CNOT4: variants seen among roughly 807,000 people sequenced by gnomAD.
CNOT4 encodes CCR4-associated factor 4.
In CNOT4, 8 loss-of-function variants were observed where a neutral mutation model predicts 73.8. That is an observed-to-expected ratio of 0.11 (90% confidence interval 0.06 to 0.20). CNOT4 has a LOEUF of 0.20. Ranked by LOEUF, CNOT4 falls within the 10% of genes least tolerant of loss-of-function variation. The pLI, the probability that CNOT4 is intolerant of heterozygous loss-of-function variation, is 1.00. For synonymous variants in CNOT4, 293 were observed against 321.1 expected (o/e 0.91, Z 0.94); for missense variants, 564 against 883.4 (o/e 0.64, Z 4.58).
At chr7:135,384,835 CA>C in intron 10 of CNOT4, 1 of 703,376 alleles carries the variant, frequency 1.4e-6, no homozygotes, top group East Asian at 2.6e-5. Flanking sequence ...ACTTTGTTGT[CA>C]AATGTCTTAA....
At chr7:135,492,476 G>A (rs1803172709) in intron 1 of CNOT4, among the ~76,000 whole-genome samples, 1 of 152,184 alleles carries the variant, frequency 6.6e-6, no homozygotes, top group Non-Finnish European at 1.5e-5. Context: ...AACGGGGCAA[G>A]GTACAGTGAA....
chr7:135,400,159 TGTCAAGG>T (rs796271657), intron 7 of CNOT4, among the ~76,000 whole-genome samples: 2 of 152,100 alleles, frequency 1.3e-5, no homozygotes, highest in African/African-American at 4.8e-5. Context: ...ATACCTCCTG[TGTCAAGG>T]GTCAAAATGT....
chr7:135,368,589 G>C (rs1193736164), intron 10 of CNOT4, among the ~76,000 whole-genome samples: 1 of 152,186 alleles, frequency 6.6e-6, no homozygotes, highest in African/African-American at 2.4e-5. Context: ...AGGCCAGTTG[G>C]GACACGTACG....
At chr7:135,490,469 C>T (rs867888973) in intron 1 of CNOT4, among the ~76,000 whole-genome samples, 11 of 152,168 alleles carry the variant, frequency 7.2e-5, no homozygotes, top group Non-Finnish European at 1.3e-4. Context: ...TCTTCAAAAA[C>T]GATGATCCAG....
At chr7:135,402,888 C>G (rs1484252122) in intron 7 of CNOT4, among the ~76,000 whole-genome samples, 1 of 152,064 alleles carries the variant, frequency 6.6e-6, no homozygotes, top group African/African-American at 2.4e-5. Flanking sequence ...CGATGCCAAC[C>G]AAATCACTAA....
intron 2 of CNOT4, among the ~76,000 whole-genome samples, chr7:135,432,338 C>T (rs920315709): frequency 2.0e-5 from 3 of 152,158 alleles, no homozygotes; most frequent in Admixed American, 2.0e-4. Context: ...ATGTGAGCCA[C>T]TGCAGCATAA....
chr7:135,426,848 G>A (rs952000205), intron 2 of CNOT4, among the ~76,000 whole-genome samples: 1 of 151,290 alleles, frequency 6.6e-6, no homozygotes, highest in Admixed American at 6.6e-5. Context: ...GCTTGAACCC[G>A]GGAGATGGAG....
chr7:135,413,532 C>T lies in CNOT4; in HGVS notation c.643G>A (p.Glu215Lys). 6.2e-7 allele frequency: 1 copy of T among 1,612,032 alleles called. No homozygotes were observed. Among genetic ancestry groups the T allele is most frequent in the Non-Finnish European group, 8.5e-7 (1 of 1,178,546 alleles). ...CPKPDCMYLH[E>K]LGDEAASFTK... ...AAGCTGGCCGCCTCATCCCCCAATT[C>T]ATGAAGATACATGCAGTCAGGTTTT... is the stretch of plus-strand genomic sequence containing the variant. Residue 215 changes from glutamate (E) to lysine (K), a missense_variant, in exon 6 of 12, where the codon GAA (glutamate) becomes AAA (lysine). Glu to Lys is a moderately conservative substitution (Grantham distance 56). Around this residue, in one of 10 missense-constraint regions of CNOT4, gnomAD observed 14 missense variants for 69.5 expected, o/e 0.20. Coordinates refer to ENST00000541284, the MANE Select transcript of CNOT4 (RefSeq NM_001190850.2).
chr7:135,452,895 A>G (rs1001945892), intron 1 of CNOT4, among the ~76,000 whole-genome samples: 4 of 152,226 alleles, frequency 2.6e-5, no homozygotes, highest in Non-Finnish European at 5.9e-5. Context: ...GGTAAAATCA[A>G]ATCTGCACAA....
intron 1 of CNOT4, chr7:135,509,281 A>C (rs747543093): frequency 6.6e-6 from 1 of 152,348 alleles, no homozygotes; most frequent in Non-Finnish European, 1.5e-5. Context: ...TGGTGGAAGG[A>C]AAGACTGCAA....
intron 1 of CNOT4, among the ~76,000 whole-genome samples, chr7:135,446,045 C>T (rs1307789005): frequency 6.6e-6 from 1 of 152,110 alleles, no homozygotes; most frequent in East Asian, 1.9e-4. Context: ...CCACACCCAG[C>T]TAATTTTTTA....
At chr7:135,455,287 A>C (rs1023485507) in intron 1 of CNOT4, among the ~76,000 whole-genome samples, 1 of 152,082 alleles carries the variant, frequency 6.6e-6, no homozygotes, top group African/African-American at 2.4e-5. Flanking sequence ...AAAAAAAAAA[A>C]AACTATGTGG....
At chr7:135,489,750 TGGACAATAAA>T (rs1346572810) in intron 1 of CNOT4, among the ~76,000 whole-genome samples, 1 of 152,146 alleles carries the variant, frequency 6.6e-6, no homozygotes, top group East Asian at 1.9e-4. Context: ...GGTACCATAC[TGGACAATAAA>T]GGTCTAAGAA....
chr7:135,462,114 T>TG (rs148143533), intron 1 of CNOT4, among the ~76,000 whole-genome samples: 3,372 of 151,150 alleles, frequency 0.022, 121 homozygotes, highest in African/African-American at 0.07. Flanking sequence ...GGAAAAAAGG[T>TG]GAAAAAAAAG....
chr7:135,489,540 C>T (rs1802967604), intron 1 of CNOT4, among the ~76,000 whole-genome samples: 1 of 151,836 alleles, frequency 6.6e-6, no homozygotes, highest in Non-Finnish European at 1.5e-5. Flanking sequence ...GGACTACAGG[C>T]GTCCACAACC....
At chr7:135,437,677 G>A (rs551603943) in intron 2 of CNOT4, among the ~76,000 whole-genome samples, 2 of 152,252 alleles carry the variant, frequency 1.3e-5, no homozygotes, top group Non-Finnish European at 1.5e-5. Context: ...CTCAAGAAAT[G>A]AGCATTTATT....
chr7:135,403,481 T>C (rs1461545180), intron 7 of CNOT4, among the ~76,000 whole-genome samples: 1 of 152,202 alleles, frequency 6.6e-6, no homozygotes, highest in Non-Finnish European at 1.5e-5. Context: ...AAGCTGGGTG[T>C]AGCACTACGT....
At chr7:135,501,243 C>G (rs1340733394) in intron 1 of CNOT4, among the ~76,000 whole-genome samples, 1 of 152,146 alleles carries the variant, frequency 6.6e-6, no homozygotes. Context: ...CCTCAGCCTC[C>G]CAAAGTGCTG....
Position 135,364,179 on chromosome 7 carries a change from G to T in CNOT4, c.1628-113C>A. ...GGAGAAGAATTATTCTTTCTTTATT[G>T]AGCATTTAAAATGGGTTGTCCTAGC... On this transcript the variant is annotated intron_variant, in intron 10 of 11. Transcript: ENST00000541284. This position sits in a 1 kb window ranked among gnomAD's most constrained non-coding sequence, Gnocchi z 4.3. 1 of 860,718 alleles carries T rather than the reference G, an allele frequency of 1.2e-6. No homozygotes were observed. The highest frequency in any genetic ancestry group is 1.8e-6 in the Non-Finnish European group (1 of 559,450). 53.3% of individuals were successfully genotyped at this position (860,718 alleles called of 1,614,324 possible).
Sources: allele counts gnomAD v4.1 joint callset (sites outside exome capture counted in the v4.1 genomes callset), GRCh38; gene constraint gnomAD v4.1.1; regional missense constraint gnomAD v4.1.1; non-coding constraint Gnocchi (gnomAD v3.1); transcripts MANE v1.5; gene names NCBI Gene and HGNC (gene_info 2026-07-23, HGNC 2026-07-21).